POLR2B: variants seen among roughly 807,000 people sequenced by gnomAD.
The protein encoded by POLR2B is RNA polymerase II subunit B.
Under a neutral mutation model 144.6 loss-of-function variants are expected in POLR2B, and 57 were observed. The ratio of observed to expected loss-of-function variants is 0.39; its 90% CI spans 0.32 to 0.49. The LOEUF (loss-of-function observed/expected upper bound fraction) is 0.49, where lower values mean the gene tolerates loss of function less well. POLR2B is among the 20% of genes least tolerant of loss of function. POLR2B has a pLI of 0.83. For synonymous variants in POLR2B, 442 were observed against 469.8 expected (o/e 0.94, Z 0.77); for missense variants, 595 against 1,467.4 (o/e 0.41, Z 9.71).
At chr4:57,028,463 G>T (rs747409447) in intron 23 of POLR2B, among the ~76,000 whole-genome samples, 15 of 152,068 alleles carry the variant, frequency 9.9e-5, no homozygotes, top group Non-Finnish European at 1.3e-4. Flanking sequence ...AAAGTCACAG[G>T]ATATGAAAGA....
At chr4:56,987,533 C>T (rs1313249011) in intron 2 of POLR2B, among the ~76,000 whole-genome samples, 1 of 152,188 alleles carries the variant, frequency 6.6e-6, no homozygotes, top group Non-Finnish European at 1.5e-5. Flanking sequence ...TCAAAGAACA[C>T]ATGCTTCCAA....
At chr4:57,022,118 AAT>A (rs1209174898) in intron 17 of POLR2B, 32 bp from the exon 18 acceptor site, 19 of 1,298,518 alleles carry the variant, frequency 1.5e-5, no homozygotes, top group Non-Finnish European at 1.9e-5. Context: ...GTTAAAAGAA[AAT>A]AGACTTTACC....
In POLR2B at chr4:57,004,423, G is replaced by A. The variant is rs1200427367; in HGVS notation, c.901-823G>A. Among the ~76,000 whole-genome samples the A allele has an allele frequency of 2.0e-5, 3 of 149,194 alleles. No individual in the cohort carries two copies. The South Asian group carries it at 6.3e-4, about 31-fold the overall frequency. ...ATTTATTTTTCTTTTGTAGATTTAG[G>A]TTCTCACTTTCTTTCCCTGGGTGGT... On this transcript the variant is annotated intron_variant, in intron 7 of 24. Coordinates refer to ENST00000314595, the MANE Select transcript of POLR2B (RefSeq NM_000938.3).
In POLR2B at chr4:56,999,598, T is replaced by A; in HGVS notation, c.736-19T>A. On this transcript the variant is annotated intron_variant, in intron 6 of 24. Coordinates refer to ENST00000314595, the MANE Select transcript of POLR2B (RefSeq NM_000938.3). ...GAGCTTTTGTATATTCATGTTCTAATGATACTTTATTTTTCTAGGGTGCCA... is the reference window on the plus strand; with the variant it reads ...GAGCTTTTGTATATTCATGTTCTAAAGATACTTTATTTTTCTAGGGTGCCA... The A allele has an allele frequency of 6.4e-7, 1 of 1,563,520 alleles. No individual in the cohort carries two copies. Among genetic ancestry groups the A allele is most frequent in the African/African-American group, 1.4e-5 (1 of 73,182 alleles).
chr4:57,009,297 G>T (rs187749972), intron 10 of POLR2B, among the ~76,000 whole-genome samples: 2 of 152,186 alleles, frequency 1.3e-5, no homozygotes, highest in Admixed American at 6.5e-5. Flanking sequence ...ATTTCATTCT[G>T]TGGCAATAGC....
chr4:56,990,427 C>T (rs1009133329), intron 2 of POLR2B, among the ~76,000 whole-genome samples: 1 of 152,072 alleles, frequency 6.6e-6, no homozygotes, highest in African/African-American at 2.4e-5. Context: ...GGTCTCATTG[C>T]GTTGCCCAGG....
intron 23 of POLR2B, among the ~76,000 whole-genome samples, chr4:57,027,589 G>T (rs965156482): frequency 2.0e-5 from 3 of 152,220 alleles, no homozygotes; most frequent in African/African-American, 7.2e-5. Context: ...GGGATTACAG[G>T]CATGAGCCAA....
chr4:56,999,920 G>A (rs1167276637), intron 7 of POLR2B, 139 bp downstream of exon 7: 7 of 563,872 alleles, frequency 1.2e-5, no homozygotes, highest in African/African-American at 9.6e-5. Flanking sequence ...TTACTGTGTA[G>A]TGAAAGCTTT....
Position 57,010,575 on chromosome 4 carries a change from A to G in POLR2B, c.1548+71A>G, listed in dbSNP as rs181347006. On this transcript the variant is annotated intron_variant, in intron 11 of 24. Coordinates refer to ENST00000314595, the MANE Select transcript of POLR2B (RefSeq NM_000938.3). ...TTATGTAGGGCATAATTACTTTTAG[A>G]AATAGATGTTTGAAAAATTATGCAG... The G allele has an allele frequency of 1.3e-4, 192 of 1,484,206 alleles. 1 individual carries two copies. In the Admixed American group the frequency reaches 3.1e-3, roughly 24 times the overall value. 91.9% of individuals were successfully genotyped at this position (1,484,206 alleles called of 1,614,324 possible). A position where few individuals can be genotyped will look rare whatever the true frequency, so the allele number is the denominator to read the frequency against.
rs1403259718 is a variant in POLR2B at position 57,015,511 on chromosome 4, A to T, written c.1810A>T (p.Ile604Phe). The change falls in exon 14 of 25, where the codon ATC becomes TTC. Residue 604 changes from isoleucine (I) to phenylalanine (F), a missense_variant. By Grantham distance (21) the Ile-to-Phe change is conservative (BLOSUM62 0). Transcript: ENST00000314595. Reference protein sequence around the residue: ...MDIIVSEVSMIRDIREREIRI... With the variant: ...MDIIVSEVSMFRDIREREIRI... Reference sequence around the variant, plus strand: ...TTCTTTTTATATGTAGGTTTCTATGATCAGAGATATTCGAGAGAGGGAGAT... The same window carrying T: ...TTCTTTTTATATGTAGGTTTCTATGTTCAGAGATATTCGAGAGAGGGAGAT... 7.2e-7 allele frequency: 1 copy of T among 1,388,416 alleles called. No homozygotes were observed. 86.0% of individuals were successfully genotyped at this position (1,388,416 alleles called of 1,614,324 possible).
At chr4:57,000,503 T>A (rs1443749666) in intron 7 of POLR2B, among the ~76,000 whole-genome samples, 1 of 152,132 alleles carries the variant, frequency 6.6e-6, no homozygotes, top group Non-Finnish European at 1.5e-5. Flanking sequence ...AGTTGTTACT[T>A]TTGTCACATT....
chr4:56,988,838 C>T (rs1437547130), intron 2 of POLR2B, among the ~76,000 whole-genome samples: 1 of 152,172 alleles, frequency 6.6e-6, no homozygotes, highest in South Asian at 2.1e-4. Context: ...CTATATTCTA[C>T]ATTCTCCCGG....
Position 57,024,869 on chromosome 4 carries a change from AC to A in POLR2B, c.2965-16del. On this transcript the variant is annotated splice_polypyrimidine_tract_variant and intron_variant, in intron 21 of 24. Transcript: ENST00000314595. Reference sequence around the variant, plus strand: ...AGACTGAAGCAACATTTTAAAGAGTACTTTTTTTTTTAAAAGGTATCGGCTA... The same window carrying A: ...AGACTGAAGCAACATTTTAAAGAGTATTTTTTTTTTAAAAGGTATCGGCTA... 1 of 1,290,510 alleles carries A rather than the reference AC, an allele frequency of 7.7e-7. No homozygotes were observed. The highest frequency in any genetic ancestry group is 1.1e-6 in the Non-Finnish European group (1 of 899,710). 79.9% of individuals were successfully genotyped at this position (1,290,510 alleles called of 1,614,324 possible).
chr4:57,025,939 AT>A (rs34153704), intron 23 of POLR2B, among the ~76,000 whole-genome samples: 18 of 150,414 alleles, frequency 1.2e-4, no homozygotes, highest in Admixed American at 1.0e-3. Context: ...TAAAAAAAAA[AT>A]TTTTTTTTTG....
intron 1 of POLR2B, among the ~76,000 whole-genome samples, chr4:56,981,989 A>G (rs1358168310): frequency 6.6e-6 from 1 of 152,128 alleles, no homozygotes; most frequent in Admixed American, 6.6e-5. Context: ...TAGCGACATC[A>G]CTTTCACTTG....
chr4:56,980,777 T>C (rs935706273), intron 1 of POLR2B, among the ~76,000 whole-genome samples: 1 of 151,928 alleles, frequency 6.6e-6, no homozygotes, highest in Non-Finnish European at 1.5e-5. Context: ...ACTACAGTTA[T>C]AACAGTTATA....
chr4:56,982,941 C>T (rs765676561), intron 1 of POLR2B, among the ~76,000 whole-genome samples: 9 of 152,114 alleles, frequency 5.9e-5, no homozygotes, highest in Non-Finnish European at 1.2e-4. Context: ...AGTCACCAAG[C>T]CCTGTTGGTT....
chr4:57,030,802 A>G, intron 24 of POLR2B, 97 bp from the exon 25 acceptor site: 1 of 721,226 alleles, frequency 1.4e-6, no homozygotes, highest in Non-Finnish European at 2.5e-6. Flanking sequence ...TCATTTATTC[A>G]TTATCTACAG....
At chr4:56,985,346 C>T in intron 1 of POLR2B, 1 of 985,410 alleles carries the variant, frequency 1.0e-6, no homozygotes, top group South Asian at 4.7e-5. Flanking sequence ...TGCCCGGTAG[C>T]CGCGAGGGAC....
Sources: allele counts gnomAD v4.1 joint callset (sites outside exome capture counted in the v4.1 genomes callset), GRCh38; gene constraint gnomAD v4.1.1; transcripts MANE v1.5; gene names NCBI Gene and HGNC (gene_info 2026-07-23, HGNC 2026-07-21).